The following KCTD1 variants were observed in gnomAD, a reference collection of about 807,000 sequenced individuals.
The protein encoded by KCTD1 is potassium channel tetramerization domain containing 1.
A neutral mutation model predicts 66.0 loss-of-function variants in KCTD1; 24 were observed. The ratio of observed to expected loss-of-function variants is 0.36; its 90% CI spans 0.26 to 0.51. The LOEUF (loss-of-function observed/expected upper bound fraction) is 0.51, where lower values mean the gene tolerates loss of function less well. Among genes scored for constraint, KCTD1 ranks in the 20% least tolerant of loss-of-function variants. The pLI is 0.95. For synonymous variants in KCTD1, 511 were observed against 517.2 expected (o/e 0.99, Z 0.16); for missense variants, 943 against 1,205.2 (o/e 0.78, Z 3.22).
At chr18:26,528,827 C>T (rs1444559931) in intron 1 of KCTD1, among the ~76,000 whole-genome samples, 1 of 152,196 alleles carries the variant, frequency 6.6e-6, no homozygotes, top group African/African-American at 2.4e-5. Flanking sequence ...AGTTCCCCTC[C>T]TCCTCCCCGG....
intron 1 of KCTD1, among the ~76,000 whole-genome samples, chr18:26,508,868 G>A (rs550891264): frequency 7.2e-5 from 11 of 152,126 alleles, no homozygotes; most frequent in African/African-American, 2.4e-4. Context: ...GGAAATTTGC[G>A]GTTGCCTTGG....
At chr18:26,566,696 C>T (rs567343491) in intron 1 of KCTD1, 2 of 152,258 alleles carry the variant, frequency 1.3e-5, no homozygotes, top group African/African-American at 4.8e-5. Flanking sequence ...ATCCACAAGG[C>T]TGGCACTTTG....
At chr18:26,472,357 A>AT (rs2144587358) in intron 3 of KCTD1, among the ~76,000 whole-genome samples, 1 of 152,328 alleles carries the variant, frequency 6.6e-6, no homozygotes, top group South Asian at 2.1e-4. Context: ...CCTTACTAGT[A>AT]TACATGTCTG....
intron 2 of KCTD1, among the ~76,000 whole-genome samples, chr18:26,496,142 T>C (rs1022954695): frequency 6.6e-6 from 1 of 152,192 alleles, no homozygotes; most frequent in Non-Finnish European, 1.5e-5. Flanking sequence ...ATGATGTTAA[T>C]AAAGGGTGCC....
chr18:26,553,799 CA>C (rs1985633088), intron 1 of KCTD1, among the ~76,000 whole-genome samples: 1 of 142,484 alleles, frequency 7.0e-6, no homozygotes, highest in African/African-American at 2.6e-5. Flanking sequence ...AGCTTGATAG[CA>C]AACAAGAAAA....
At chr18:26,532,257 CCT>C (rs1984473698) in intron 1 of KCTD1, among the ~76,000 whole-genome samples, 1 of 128,194 alleles carries the variant, frequency 7.8e-6, no homozygotes, top group South Asian at 2.3e-4. Flanking sequence ...TCTTTTCTTT[CCT>C]TCTTTTTTTT....
chr18:26,584,789 G>T (rs1035911134), intron 1 of KCTD1, among the ~76,000 whole-genome samples: 8 of 152,106 alleles, frequency 5.3e-5, no homozygotes, highest in African/African-American at 1.9e-4. Flanking sequence ...TCCTAGAGTA[G>T]GTGAAGTATA....
At chr18:26,615,440 A>G (rs920606323) in intron 1 of KCTD1, among the ~76,000 whole-genome samples, 2 of 152,224 alleles carry the variant, frequency 1.3e-5, no homozygotes, top group African/African-American at 4.8e-5. Flanking sequence ...AGGGGATGGG[A>G]GACTTAAATA....
chr18:26,642,122 G>A (rs181408815), upstream of KCTD1, among the ~76,000 whole-genome samples: 7 of 152,238 alleles, frequency 4.6e-5, no homozygotes, highest in African/African-American at 1.7e-4. Flanking sequence ...CTGCAATGCT[G>A]GGTGGGTTTT....
At position 26,563,365 on chromosome 18, in the gene KCTD1, T is replaced by C. The variant is rs145467265; in HGVS notation, c.-15-62115A>G. 1.2e-3 allele frequency among the ~76,000 whole-genome samples: 180 copies of C among 152,312 alleles called. 1 individual carries two copies. Among genetic ancestry groups the C allele is most frequent in the African/African-American group, 4.1e-3 (170 of 41,570 alleles). On this transcript the variant is annotated intron_variant, in intron 1 of 4. Transcript: ENST00000317932. Reference sequence around the variant, plus strand: ...CTATAACGTACTCCCTGCCTACTCCTTTACAGGGGTCCACCATTCTCCAAA... The same window carrying C: ...CTATAACGTACTCCCTGCCTACTCCCTTACAGGGGTCCACCATTCTCCAAA...
intron 3 of KCTD1, among the ~76,000 whole-genome samples, chr18:26,461,658 G>A (rs1420978509): frequency 3.3e-5 from 5 of 152,176 alleles, no homozygotes; most frequent in African/African-American, 7.2e-5. Context: ...TTGGCATCAC[G>A]CCAACTGTAA....
chr18:26,596,428 A>C (rs1473085520), intron 1 of KCTD1, among the ~76,000 whole-genome samples: 3 of 152,248 alleles, frequency 2.0e-5, no homozygotes, highest in Non-Finnish European at 4.4e-5. Flanking sequence ...AACTGTAAGA[A>C]AATAAATTTC....
chr18:26,480,571 G>A (rs867574504), intron 2 of KCTD1, among the ~76,000 whole-genome samples: 21 of 152,162 alleles, frequency 1.4e-4, no homozygotes, highest in Admixed American at 3.3e-4. Flanking sequence ...AGTTCAAGAC[G>A]AGCCTGACCA....
intron 1 of KCTD1, among the ~76,000 whole-genome samples, chr18:26,636,630 A>C (rs1220741807): frequency 1.3e-5 from 2 of 152,234 alleles, no homozygotes; most frequent in African/African-American, 4.8e-5. Flanking sequence ...TTACTTTTGC[A>C]TCAACGAATA....
chr18:26,593,673 AGAT>A (rs1207092121), intron 1 of KCTD1, among the ~76,000 whole-genome samples: 1 of 94,708 alleles, frequency 1.1e-5, no homozygotes, highest in Non-Finnish European at 2.2e-5. Context: ...AGGAGGAGGA[AGAT>A]GAGGAGGAGG....
chr18:26,493,193 G>C (rs939071845), intron 2 of KCTD1, among the ~76,000 whole-genome samples: 11 of 152,160 alleles, frequency 7.2e-5, no homozygotes, highest in African/African-American at 2.4e-4. Context: ...CCTGCCCTGA[G>C]TTATTTCATG....
At chr18:26,473,760 C>T (rs866947400) in intron 3 of KCTD1, among the ~76,000 whole-genome samples, 1 of 152,110 alleles carries the variant, frequency 6.6e-6, no homozygotes, top group South Asian at 2.1e-4. Context: ...ATTGAGGGGG[C>T]CTTGGGAACT....
chr18:26,514,682 A>C (rs1333824671), intron 1 of KCTD1, among the ~76,000 whole-genome samples: 1 of 151,990 alleles, frequency 6.6e-6, no homozygotes, highest in Non-Finnish European at 1.5e-5. Context: ...TGCCAGAAAC[A>C]CTCCTCCTGG....
At chr18:26,619,757 T>C (rs1047424401) in intron 1 of KCTD1, among the ~76,000 whole-genome samples, 29 of 152,190 alleles carry the variant, frequency 1.9e-4, no homozygotes, top group African/African-American at 6.3e-4. Context: ...CCTGTCTGCA[T>C]CCTTGGACTA....
Sources: gnomAD v4.1 joint callset for allele counts (sites outside exome capture counted in the v4.1 genomes callset) on GRCh38, gnomAD v4.1.1 for gene constraint, MANE v1.5 for transcripts, NCBI Gene and HGNC (gene_info 2026-07-23, HGNC 2026-07-21) for gene names.